The following LYPLAL1 variants were observed in gnomAD, a reference collection of about 807,000 sequenced individuals.
LYPLAL1 encodes lysophospholipase-like protein 1.
A neutral mutation model predicts 19.7 loss-of-function variants in LYPLAL1; 23 were observed. The observed-to-expected ratio is 1.17, with a 90% confidence interval of 0.84 to 1.65. The LOEUF (loss-of-function observed/expected upper bound fraction) is 1.65. Among genes scored for constraint, LYPLAL1 ranks in the 40% most tolerant of loss-of-function variants. The probability of loss-of-function intolerance (pLI) is 0.00; values close to 1 mark genes in which losing one functional copy is unlikely to be tolerated. For missense variants in LYPLAL1, 355 were observed against 279.4 expected (o/e 1.27, Z -1.93); for synonymous variants, 119 against 96.3 (o/e 1.24, Z -1.38).
the LYPLAL1 span, among the ~76,000 whole-genome samples, chr1:219,235,480 C>G: frequency 6.6e-6 from 1 of 152,150 alleles, no homozygotes; most frequent in African/African-American, 2.4e-5. Context: ...TGGGATCTGA[C>G]TTGACATCAA....
chr1:219,383,015 T>A, the LYPLAL1 span, among the ~76,000 whole-genome samples: 1 of 152,182 alleles, frequency 6.6e-6, no homozygotes, highest in African/African-American at 2.4e-5. Context: ...AAATTATATG[T>A]AGATTTCTTA....
At chr1:219,210,710 C>G in intron 4 of LYPLAL1, 63 bp downstream of exon 4, 1 of 1,448,994 alleles carries the variant, frequency 6.9e-7, no homozygotes, top group Non-Finnish European at 9.3e-7. Flanking sequence ...AAAACTAAAG[C>G]AAAATCGGTA....
intron 2 of LYPLAL1, among the ~76,000 whole-genome samples, chr1:219,181,434 T>A (rs963211964): frequency 2.0e-5 from 3 of 152,202 alleles, no homozygotes; most frequent in Admixed American, 6.5e-5. Context: ...CATTTTTACT[T>A]ATTGGTTTGC....
the LYPLAL1 span, among the ~76,000 whole-genome samples, chr1:219,413,886 T>G: frequency 6.6e-6 from 1 of 152,364 alleles, no homozygotes; most frequent in African/African-American, 2.4e-5. Flanking sequence ...TTCCAGAGTG[T>G]GTTCTGCAAA....
the LYPLAL1 span, chr1:219,270,869 A>G: frequency 6.6e-6 from 1 of 152,190 alleles, no homozygotes; most frequent in Non-Finnish European, 1.5e-5. Flanking sequence ...TATCACTATG[A>G]CAGGGGGAAA....
the LYPLAL1 span, among the ~76,000 whole-genome samples, chr1:219,306,810 A>G: frequency 9.6e-6 from 1 of 103,910 alleles, no homozygotes; most frequent in Admixed American, 1.1e-4. Context: ...GCATAGATAG[A>G]TATAGATAGA....
the LYPLAL1 span, chr1:219,273,413 A>G: frequency 1.3e-5 from 2 of 152,188 alleles, no homozygotes; most frequent in Non-Finnish European, 2.9e-5. Context: ...AATTTTTCCT[A>G]AATCTCTGAA....
At chr1:219,206,462 C>T (rs1219568565) in intron 3 of LYPLAL1, among the ~76,000 whole-genome samples, 1 of 151,898 alleles carries the variant, frequency 6.6e-6, no homozygotes, top group Non-Finnish European at 1.5e-5. Flanking sequence ...GGAAAAAATA[C>T]ACAAAGTCCC....
At chr1:219,298,635 G>A in the LYPLAL1 span, among the ~76,000 whole-genome samples, 49,225 of 152,098 alleles carry the variant, frequency 0.32, 8,430 homozygotes, top group East Asian at 0.6. Flanking sequence ...GTTCTCGCCA[G>A]GCAGGCCTCT....
the LYPLAL1 span, among the ~76,000 whole-genome samples, chr1:219,244,217 A>G: frequency 1.3e-5 from 2 of 152,224 alleles, no homozygotes; most frequent in Admixed American, 1.3e-4. Flanking sequence ...TGAGGGATGC[A>G]GTTATTGCCT....
the LYPLAL1 span, among the ~76,000 whole-genome samples, chr1:219,356,807 T>A: frequency 6.6e-6 from 1 of 152,214 alleles, no homozygotes; most frequent in Non-Finnish European, 1.5e-5. Context: ...AAAAACTAAT[T>A]ACATTAAAAC....
the LYPLAL1 span, among the ~76,000 whole-genome samples, chr1:219,382,615 G>A: frequency 6.6e-6 from 1 of 151,922 alleles, no homozygotes; most frequent in South Asian, 2.1e-4. Context: ...ACCAGCCTTG[G>A]CCTCCCAAAG....
At chr1:219,391,174 G>T in the LYPLAL1 span, among the ~76,000 whole-genome samples, 2 of 152,120 alleles carry the variant, frequency 1.3e-5, no homozygotes, top group African/African-American at 4.8e-5. Context: ...CATATTATTT[G>T]CTTGGATTGT....
chr1:219,196,435 A>G (rs1657606515), intron 3 of LYPLAL1, among the ~76,000 whole-genome samples: 2 of 152,122 alleles, frequency 1.3e-5, no homozygotes, highest in South Asian at 2.1e-4. Context: ...GCAGCTCTCT[A>G]ATGATAAGTG....
the LYPLAL1 span, among the ~76,000 whole-genome samples, chr1:219,252,864 G>C: frequency 6.6e-6 from 1 of 152,046 alleles, no homozygotes; most frequent in Non-Finnish European, 1.5e-5. Context: ...AAGGGTACCA[G>C]CTCATCTTTG....
the LYPLAL1 span, among the ~76,000 whole-genome samples, chr1:219,410,449 C>T: frequency 0.22 from 33,218 of 152,176 alleles, 3,769 homozygotes; most frequent in East Asian, 0.27. Flanking sequence ...AATATGACAC[C>T]TAATTTGTTT....
chr1:219,228,906 C>T, the LYPLAL1 span, among the ~76,000 whole-genome samples: 7 of 151,910 alleles, frequency 4.6e-5, no homozygotes, highest in South Asian at 8.4e-4. Context: ...CTCGAACTCC[C>T]GACCTCAGGT....
At chr1:219,392,590 CAG>C in the LYPLAL1 span, among the ~76,000 whole-genome samples, 1 of 152,144 alleles carries the variant, frequency 6.6e-6, no homozygotes, top group African/African-American at 2.4e-5. Flanking sequence ...AGTTAAGAAA[CAG>C]ATGTTAAAAG....
At chr1:219,444,069 A>AT in the LYPLAL1 span, among the ~76,000 whole-genome samples, 24 of 150,298 alleles carry the variant, frequency 1.6e-4, no homozygotes, top group East Asian at 1.8e-3. Flanking sequence ...CTAGGAATCC[A>AT]TTTTTTTTTT....
Sources: allele counts gnomAD v4.1 joint callset (sites outside exome capture counted in the v4.1 genomes callset), GRCh38; gene constraint gnomAD v4.1.1; transcripts MANE v1.5; gene names NCBI Gene and HGNC (gene_info 2026-07-23, HGNC 2026-07-21).